Variants in CSHL1 observed in about 807,000 individuals in gnomAD.
CSHL1 encodes the protein chorionic somatomammotropin hormone like 1.
Under a neutral mutation model 24.3 loss-of-function variants are expected in CSHL1, and 25 were observed. The ratio of observed to expected loss-of-function variants is 1.03; its 90% CI spans 0.75 to 1.44. CSHL1 has a LOEUF of 1.44. Among genes scored for constraint, CSHL1 ranks in the 40% most tolerant of loss-of-function variants. The probability of loss-of-function intolerance (pLI) is 0.00; values close to 1 mark genes in which losing one functional copy is unlikely to be tolerated. For missense variants in CSHL1, 342 were observed against 279.3 expected (o/e 1.22, Z -1.60); for synonymous variants, 157 against 115.6 (o/e 1.36, Z -2.30).
At chr17:63,911,071 G>A in intron 1 of CSHL1, 116 bp downstream of exon 1, 1 of 1,611,156 alleles carries the variant, frequency 6.2e-7, no homozygotes, top group Admixed American at 1.7e-5. Flanking sequence ...GGCCTTAGAT[G>A]GCGATATTCA....
At chr17:63,911,070 T>G in intron 1 of CSHL1, 117 bp downstream of exon 1, 3 of 1,611,218 alleles carry the variant, frequency 1.9e-6, no homozygotes. Context: ...TGGCCTTAGA[T>G]GGCGATATTC....
chr17:63,911,115 C>A, intron 1 of CSHL1, 72 bp downstream of exon 1: 2 of 1,612,098 alleles, frequency 1.2e-6, no homozygotes, highest in Non-Finnish European at 1.7e-6. Flanking sequence ...GTTAGTGCCC[C>A]CGTCCCATCT....
intron 1 of CSHL1, 92 bp from the exon 2 acceptor site, chr17:63,911,016 C>G: frequency 6.2e-7 from 1 of 1,610,374 alleles, no homozygotes; most frequent in Non-Finnish European, 8.5e-7. Flanking sequence ...TCTCTCTCTC[C>G]ATCCCTCCAG....
At position 63,909,786 on chromosome 17, in the gene CSHL1, C is replaced by T; in HGVS notation, c.594G>A (p.Arg198=). The T allele has an allele frequency of 6.2e-7, 1 of 1,614,044 alleles. No individual in the cohort carries two copies. Among genetic ancestry groups the T allele is most frequent in the African/African-American group, 1.3e-5 (1 of 75,018 alleles). ...LKNYGLLHCF[R]KDMDKVETFL... is the part of the protein sequence containing the mutation. The stretch of plus-strand genomic sequence containing the variant: ...ATGTCTCGACCTTGTCCATGTCCTT[C>T]CTGAAGCAGTGGAGCAGCCCGTAGT... The change falls in exon 5 of 5, where the codon AGG becomes AGA. Residue 198 remains arginine, a synonymous_variant. Coordinates refer to ENST00000309894, the MANE Select transcript of CSHL1 (RefSeq NM_022579.3).
chr17:63,909,611 A>G lies in CSHL1; in HGVS notation c.*100T>C, dbSNP rs1233822933. On this transcript the variant is annotated 3_prime_UTR_variant, in exon 5 of 5. Coordinates refer to ENST00000309894, the MANE Select transcript of CSHL1 (RefSeq NM_022579.3). Reference sequence around the variant, plus strand: ...AGGACACCTAGTCAGATGAAACAATACAACTTAATTTTATTAAGACAAGGC... The same window carrying G: ...AGGACACCTAGTCAGATGAAACAATGCAACTTAATTTTATTAAGACAAGGC... The G allele has an allele frequency of 9.2e-5, 146 of 1,587,748 alleles. 2 individuals carry two copies. In the South Asian group the frequency reaches 1.1e-3, roughly 12 times the overall value.
Position 63,909,887 on chromosome 17 carries a change from G to A in CSHL1, c.493C>T (p.Leu165=). ...LMGRLEDGSH[L]TGQTLKQTYS... is the part of the protein sequence containing the mutation. Reference sequence around the variant, plus strand: ...GTCTGCTTGAGGGTCTGCCCAGTCAGGTGGCTGCCGTCTTCCAGCCTCTGC... The same window carrying A: ...GTCTGCTTGAGGGTCTGCCCAGTCAAGTGGCTGCCGTCTTCCAGCCTCTGC... Residue 165 remains leucine (L), a synonymous_variant, in exon 5 of 5, where the codon CTG becomes TTG. Coordinates refer to ENST00000309894, the MANE Select transcript of CSHL1 (RefSeq NM_022579.3). 1 of 1,613,532 alleles carries A rather than the reference G, an allele frequency of 6.2e-7. No homozygotes were observed.
At position 63,909,840 on chromosome 17, in the gene CSHL1, G is replaced by A. The variant is rs763032808; in HGVS notation, c.540C>T (p.Asn180=). The change falls in exon 5 of 5, where the codon AAC becomes AAT. Residue 180 remains asparagine (N), a synonymous_variant. Transcript: ENST00000309894. ...LKQTYSKFDT[N]SHNHDALLKN... is the part of the protein sequence containing the mutation. ...TGAGCAGTGCGTCATGGTTGTGCGA[G>A]TTTGTGTCAAACTTGCTGTAGGTCT... 20 of 1,613,894 alleles carry A rather than the reference G, an allele frequency of 1.2e-5. No homozygotes were observed. The highest frequency in any genetic ancestry group is 1.6e-4 in the Middle Eastern group (1 of 6,078).
chr17:63,910,602 T>G (rs1483385606), intron 2 of CSHL1, 67 bp from the exon 3 acceptor site: 2 of 1,614,060 alleles, frequency 1.2e-6, no homozygotes, highest in Non-Finnish European at 1.7e-6. Flanking sequence ...CAGCTCCCAC[T>G]GTTACTCTTC....
chr17:63,909,625 T>C lies in CSHL1; in HGVS notation c.*86A>G, dbSNP rs1190678568. The C allele has an allele frequency of 3.1e-6, 5 of 1,600,168 alleles. No homozygotes were observed. In the Admixed American group the frequency reaches 8.5e-5, roughly 27 times the overall value. On this transcript the variant is annotated 3_prime_UTR_variant, in exon 5 of 5. Coordinates refer to ENST00000309894, the MANE Select transcript of CSHL1 (RefSeq NM_022579.3). ...GATGAAACAATACAACTTAATTTTATTAAGACAAGGCTGGTGGGCACTGGA... is the reference window on the plus strand; with the variant it reads ...GATGAAACAATACAACTTAATTTTACTAAGACAAGGCTGGTGGGCACTGGA...
chr17:63,910,364 G>T, intron 3 of CSHL1, 38 bp from the exon 4 acceptor site: 1 of 1,614,084 alleles, frequency 6.2e-7, no homozygotes, highest in Non-Finnish European at 8.5e-7. Context: ...TGCTGCCCGG[G>T]GGCTCTGACC....
chr17:63,909,614 A>C lies in CSHL1; in HGVS notation c.*97T>G, dbSNP rs1906666334. On this transcript the variant is annotated 3_prime_UTR_variant, in exon 5 of 5. Coordinates refer to ENST00000309894, the MANE Select transcript of CSHL1 (RefSeq NM_022579.3). ...ACACCTAGTCAGATGAAACAATACA[A>C]CTTAATTTTATTAAGACAAGGCTGG... 1 of 1,591,366 alleles carries C rather than the reference A, an allele frequency of 6.3e-7. No homozygotes were observed. The highest frequency in any genetic ancestry group is 8.6e-7 in the Non-Finnish European group (1 of 1,163,698).
Position 63,909,809 on chromosome 17 carries a change from A to G in CSHL1, c.571T>C (p.Tyr191His), listed in dbSNP as rs566904124. Residue 191 changes from tyrosine (Y) to histidine (H), a missense_variant, in exon 5 of 5, where the codon TAC becomes CAC. Tyr to His is a moderately conservative substitution (Grantham distance 83). Transcript: ENST00000309894. ...SHNHDALLKN[Y>H]GLLHCFRKDM... is the part of the protein sequence containing the mutation. ...TTCCTGAAGCAGTGGAGCAGCCCGT[A>G]GTTCTTGAGCAGTGCGTCATGGTTG... The G allele has an allele frequency of 1.7e-5, 27 of 1,613,982 alleles. No homozygotes were observed. The highest frequency in any genetic ancestry group is 1.3e-4 in the Admixed American group (8 of 60,018).
rs533197552 is a variant in CSHL1 at position 63,909,754 on chromosome 17, C to T, written c.626G>A (p.Arg209His). The T allele has an allele frequency of 2.2e-5, 35 of 1,614,142 alleles. No individual in the cohort carries two copies. The highest frequency in any genetic ancestry group is 1.7e-4 in the Middle Eastern group (1 of 6,060). Residue 209 changes from arginine to histidine, a missense_variant, in exon 5 of 5, where the codon CGC becomes CAC. Transcript: ENST00000309894. ...KDMDKVETFL[R>H]MVQCRSVEGS... ...CTCCACAGAGCGGCACTGCACCATGCGCAGGAATGTCTCGACCTTGTCCAT... is the reference window on the plus strand; with the variant it reads ...CTCCACAGAGCGGCACTGCACCATGTGCAGGAATGTCTCGACCTTGTCCAT...
rs762002503 is a variant in CSHL1 at position 63,910,911 on chromosome 17, G to A, written c.24C>T (p.Ser8=). The change falls in exon 2 of 5, where the codon TCC becomes TCT. Residue 8 remains serine (S), a synonymous_variant. Transcript: ENST00000309894. ...AGAGCAGGGCAAAAGCCAGGAGCAG[G>A]GACGTCCGGGAGCCTGGGGAGAAAC... MAAGSRT[S]LLLAFALLCL... 1 of 1,613,952 alleles carries A rather than the reference G, an allele frequency of 6.2e-7. No homozygotes were observed. Among genetic ancestry groups the A allele is most frequent in the Non-Finnish European group, 8.5e-7 (1 of 1,179,950 alleles).
In CSHL1 at chr17:63,910,552, C is replaced by A; in HGVS notation, c.191-17G>T. The A allele has an allele frequency of 1.2e-6, 2 of 1,614,136 alleles. No individual in the cohort carries two copies. Among genetic ancestry groups the A allele is most frequent in the Non-Finnish European group, 1.7e-6 (2 of 1,180,016 alleles). Reference sequence around the variant, plus strand: ...TATAGGCTTCTTCCTAGGGGAAGGACCCCCCACCAAGAAGGACCACTGCTT... The same window carrying A: ...TATAGGCTTCTTCCTAGGGGAAGGAACCCCCACCAAGAAGGACCACTGCTT... On this transcript the variant is annotated splice_polypyrimidine_tract_variant and intron_variant, in intron 2 of 4. Coordinates refer to ENST00000309894, the MANE Select transcript of CSHL1 (RefSeq NM_022579.3).
intron 4 of CSHL1, 22 bp downstream of exon 4, chr17:63,910,140 G>T (rs752057567): frequency 1.4e-5 from 22 of 1,614,046 alleles, no homozygotes; most frequent in Admixed American, 3.3e-5. Flanking sequence ...CCAGGATTGG[G>T]GACCCCTGGT....
intron 2 of CSHL1, 63 bp from the exon 3 acceptor site, chr17:63,910,598 C>T: frequency 1.2e-6 from 2 of 1,614,086 alleles, no homozygotes; most frequent in Non-Finnish European, 1.7e-6. Context: ...AGACCAGCTC[C>T]CACTGTTACT....
At chr17:63,909,948 G>C (rs1367409481) in intron 4 of CSHL1, 40 bp from the exon 5 acceptor site, 15 of 1,613,836 alleles carry the variant, frequency 9.3e-6, no homozygotes, top group Non-Finnish European at 1.3e-5. Flanking sequence ...CAAGCGCTTG[G>C]GCACTGTTCC....
chr17:63,910,182 C>T lies in CSHL1; in HGVS notation c.451G>A (p.Gly151Ser). 1 of 1,614,192 alleles carries T rather than the reference C, an allele frequency of 6.2e-7. No homozygotes were observed. The highest frequency in any genetic ancestry group is 8.5e-7 in the Non-Finnish European group (1 of 1,180,038). ...DYHLLKDLEE[G>S]IQMLMGRLED... The stretch of plus-strand genomic sequence containing the variant: ...CTCACCCCCATCAGCATTTGGATGC[C>T]TTCCTCTAGGTCCTTTAGGAGGTGA... Residue 151 changes from glycine to serine, a missense_variant, in exon 4 of 5, where the codon GGC becomes AGC. Gly to Ser is a moderately conservative substitution (Grantham distance 56, BLOSUM62 0). Transcript: ENST00000309894.
Sources: gnomAD v4.1 joint callset for allele counts on GRCh38, gnomAD v4.1.1 for gene constraint, MANE v1.5 for transcripts, NCBI Gene and HGNC (gene_info 2026-07-23, HGNC 2026-07-21) for gene names.